ST3GAL6: variants seen among roughly 807,000 people sequenced by gnomAD.
The protein encoded by ST3GAL6 is ST3 beta-galactoside alpha-2,3-sialyltransferase 6, also known as type 2 lactosamine alpha-2,3-sialyltransferase.
Under a neutral mutation model 40.5 loss-of-function variants are expected in ST3GAL6, and 31 were observed. The ratio of observed to expected loss-of-function variants is 0.77; its 90% CI spans 0.58 to 1.03. The LOEUF (loss-of-function observed/expected upper bound fraction) is 1.03. Ranked by LOEUF, ST3GAL6 falls within the 50% of genes least tolerant of loss-of-function variation. The pLI is 0.00. For missense variants in ST3GAL6, 357 were observed against 393.2 expected, an observed-to-expected ratio of 0.91 and a Z score of 0.78; for synonymous variants, 129 against 136.9, an observed-to-expected ratio of 0.94 and a Z score of 0.40.
chr3:98,778,875 C>T (rs1281272162), intron 5 of ST3GAL6, among the ~76,000 whole-genome samples: 1 of 152,220 alleles, frequency 6.6e-6, no homozygotes, highest in Non-Finnish European at 1.5e-5. Context: ...TTTATTATCT[C>T]CTGTATTGCG....
chr3:98,738,097 C>A lies in ST3GAL6; in HGVS notation c.-12+5565C>A, dbSNP rs10470452. Among the ~76,000 whole-genome samples the A allele has an allele frequency of 2.4e-3, 314 of 129,648 alleles. 1 individual carries two copies. Among genetic ancestry groups the A allele is most frequent in the African/African-American group, 8.4e-3 (299 of 35,548 alleles). The allele number at this position is 129,648 out of a possible 152,430, so 85.1% of individuals were successfully genotyped here. A position where few individuals can be genotyped will look rare whatever the true frequency, so the allele number is the denominator to read the frequency against. On this transcript the variant is annotated intron_variant, in intron 1 of 9. Transcript: ENST00000265261. The stretch of plus-strand genomic sequence containing the variant: ...GTTTAGCCTCCCCCCGCCCTCCCCC[C>A]ACCCCCGCCTTTCCTCCTACTCCAA...
chr3:98,791,997 ATATAC>A lies in ST3GAL6; in HGVS notation c.909+6_909+10del. The A allele has an allele frequency of 6.2e-7, 1 of 1,609,802 alleles. No homozygotes were observed. The highest frequency in any genetic ancestry group is 1.1e-5 in the South Asian group (1 of 90,150). On this transcript the variant is annotated splice_donor_5th_base_variant and intron_variant, in intron 9 of 9. Transcript: ENST00000483910. ...CACCATGTCTTTGATGAATAAGGTA[ATATAC>A]TGTACTTTAGGTAATATACATATGC...
intron 1 of ST3GAL6, among the ~76,000 whole-genome samples, chr3:98,743,869 A>G (rs1016507370): frequency 1.3e-5 from 2 of 152,122 alleles, no homozygotes; most frequent in South Asian, 4.1e-4. Context: ...GGGCACCCCA[A>G]CGAGGGTGTA....
At chr3:98,779,833 C>A (rs1436214970) in intron 5 of ST3GAL6, among the ~76,000 whole-genome samples, 2 of 152,066 alleles carry the variant, frequency 1.3e-5, no homozygotes, top group Non-Finnish European at 2.9e-5. Flanking sequence ...TCTCCAAACA[C>A]AAAGTAGGGA....
intron 1 of ST3GAL6, among the ~76,000 whole-genome samples, chr3:98,751,324 T>C (rs1414545174): frequency 6.6e-6 from 1 of 152,174 alleles, no homozygotes; most frequent in South Asian, 2.1e-4. Flanking sequence ...TCTATACATT[T>C]AAGGAGAGAA....
At chr3:98,741,050 CAG>C (rs1491236882) in intron 1 of ST3GAL6, among the ~76,000 whole-genome samples, 8 of 78,838 alleles carry the variant, frequency 1.0e-4, no homozygotes, top group Admixed American at 4.6e-4. Context: ...TAGAGGGATT[CAG>C]TGTGTGTGTG....
intron 8 of ST3GAL6, among the ~76,000 whole-genome samples, chr3:98,789,823 C>G (rs1419065545): frequency 6.6e-6 from 1 of 152,038 alleles, no homozygotes; most frequent in Non-Finnish European, 1.5e-5. Context: ...TCTTTAATTC[C>G]AAAAGCACAG....
chr3:98,760,922 G>A (rs1488393245), upstream of ST3GAL6, among the ~76,000 whole-genome samples: 1 of 152,178 alleles, frequency 6.6e-6, no homozygotes, highest in Non-Finnish European at 1.5e-5. Context: ...GCAACAACTT[G>A]AGCATTTTTT....
chr3:98,793,632 G>A lies in ST3GAL6; in HGVS notation c.910-43G>A, dbSNP rs755446504. Reference sequence around the variant, plus strand: ...ACTCCATTGGTGCTGCTAATACTTTGAGATTGGGAAAGAATGATGGTAATT... The same window carrying A: ...ACTCCATTGGTGCTGCTAATACTTTAAGATTGGGAAAGAATGATGGTAATT... On this transcript the variant is annotated intron_variant, in intron 9 of 9. Coordinates refer to ENST00000483910, the MANE Select transcript of ST3GAL6 (RefSeq NM_001323368.2). 3.7e-6 allele frequency: 5 copies of A among 1,340,820 alleles called. No homozygotes were observed. In the East Asian group the frequency reaches 1.0e-4, roughly 27 times the overall value. The allele number at this position is 1,340,820 out of a possible 1,614,324, so 83.1% of individuals were successfully genotyped here.
intron 1 of ST3GAL6, chr3:98,733,457 C>A: frequency 1.2e-5 from 12 of 991,040 alleles, no homozygotes; most frequent in Non-Finnish European, 1.4e-5. Context: ...AGGGTCTGTA[C>A]GCGAGGAGGG....
chr3:98,767,117 C>A (rs73858622), intron 1 of ST3GAL6, among the ~76,000 whole-genome samples: 4,925 of 152,218 alleles, frequency 0.032, 86 homozygotes, highest in African/African-American at 0.043. Flanking sequence ...GTGGTGACTG[C>A]ATTAATAGCA....
intron 1 of ST3GAL6, among the ~76,000 whole-genome samples, chr3:98,756,831 A>G (rs1042312722): frequency 2.0e-5 from 3 of 152,214 alleles, no homozygotes; most frequent in Non-Finnish European, 1.5e-5. Context: ...TAACCAATAC[A>G]TAAGTGAGGA....
At chr3:98,757,051 T>C (rs1937473402) in intron 1 of ST3GAL6, among the ~76,000 whole-genome samples, 1 of 152,198 alleles carries the variant, frequency 6.6e-6, no homozygotes, top group African/African-American at 2.4e-5. Context: ...TTTTTCTTAC[T>C]TTTTTTGGAA....
At chr3:98,778,329 T>G (rs1939744631) in intron 5 of ST3GAL6, among the ~76,000 whole-genome samples, 1 of 152,214 alleles carries the variant, frequency 6.6e-6, no homozygotes, top group African/African-American at 2.4e-5. Context: ...CAGGAGCATG[T>G]CTTTAGAAAA....
chr3:98,783,808 A>T (rs977146721), intron 5 of ST3GAL6: 4 of 394,324 alleles, frequency 1.0e-5, no homozygotes, highest in Non-Finnish European at 6.9e-6. Flanking sequence ...TTGAGAGCAT[A>T]GAGCTTCCAA....
chr3:98,761,579 C>G (rs1937771141), upstream of ST3GAL6, among the ~76,000 whole-genome samples: 3 of 146,026 alleles, frequency 2.1e-5, no homozygotes, highest in Admixed American at 7.0e-5. Context: ...CACTACACTT[C>G]AGCCTGGGCA....
In ST3GAL6 at chr3:98,788,094, C is replaced by G; in HGVS notation, c.490C>G (p.Arg164Gly). Residue 164 changes from arginine (R) to glycine (G), a missense_variant, in exon 7 of 10, where the codon CGA (arginine) becomes GGA (glycine). Transcript: ENST00000483910. ...EEEVGRRTTFRLFYPESVFSD... is the reference protein window; with the variant it reads ...EEEVGRRTTFGLFYPESVFSD... Reference sequence around the variant, plus strand: ...AGAAGTTGGGAGAAGGACAACCTTCCGACTTTTTTATCCAGAATCTGTTTT... The same window carrying G: ...AGAAGTTGGGAGAAGGACAACCTTCGGACTTTTTTATCCAGAATCTGTTTT... The G allele has an allele frequency of 6.2e-7, 1 of 1,613,884 alleles. No individual in the cohort carries two copies. Among genetic ancestry groups the G allele is most frequent in the South Asian group, 1.1e-5 (1 of 91,052 alleles).
At chr3:98,776,071 G>A (rs368438189) in intron 5 of ST3GAL6, among the ~76,000 whole-genome samples, 1 of 152,170 alleles carries the variant, frequency 6.6e-6, no homozygotes, top group Non-Finnish European at 1.5e-5. Flanking sequence ...AAACCTTATC[G>A]AGTATTTCAA....
intron 5 of ST3GAL6, among the ~76,000 whole-genome samples, chr3:98,779,176 T>C (rs1397536707): frequency 1.3e-5 from 2 of 152,190 alleles, no homozygotes; most frequent in Non-Finnish European, 2.9e-5. Flanking sequence ...TTATCACGTG[T>C]CAATGTCTAA....
Sources: gnomAD v4.1 joint callset for allele counts (sites outside exome capture counted in the v4.1 genomes callset) on GRCh38, gnomAD v4.1.1 for gene constraint, MANE v1.5 for transcripts, NCBI Gene and HGNC (gene_info 2026-07-23, HGNC 2026-07-21) for gene names.